LRRIQ1: variants seen among roughly 807,000 people sequenced by gnomAD.
The protein encoded by LRRIQ1 is leucine rich repeats and IQ motif containing 1, also known as leucine-rich repeat- and IQ domain-containing protein 1.
In LRRIQ1, 210 loss-of-function variants were observed where a neutral mutation model predicts 211.9. The ratio of observed to expected loss-of-function variants is 0.99; its 90% CI spans 0.89 to 1.11. LRRIQ1 has a LOEUF of 1.11. LRRIQ1 is among the 50% of genes most tolerant of loss of function. The pLI is 0.00. For synonymous variants in LRRIQ1, 699 were observed against 650.1 expected, an observed-to-expected ratio of 1.08 and a Z score of -1.14; for missense variants, 2,136 against 1,939.5, an observed-to-expected ratio of 1.10 and a Z score of -1.90.
intron 24 of LRRIQ1, among the ~76,000 whole-genome samples, chr12:85,206,755 G>A (rs775302001): frequency 3.3e-5 from 5 of 152,008 alleles, no homozygotes; most frequent in Non-Finnish European, 5.9e-5. Flanking sequence ...GAGGCATCCT[G>A]TTAGATATCC....
chr12:85,259,110 C>G (rs1896210138), intron 1 of LRRIQ1, among the ~76,000 whole-genome samples: 1 of 151,982 alleles, frequency 6.6e-6, no homozygotes. Context: ...ATAGTTTCAG[C>G]ACTTGTATAA....
intron 1 of LRRIQ1, among the ~76,000 whole-genome samples, chr12:85,260,284 T>TC (rs1327560134): frequency 2.6e-5 from 4 of 151,948 alleles, no homozygotes; most frequent in African/African-American, 7.3e-5. Flanking sequence ...TACACTGCAC[T>TC]CCAGCCTGGG....
rs190511018 is a variant in LRRIQ1 at position 85,142,625 on chromosome 12, C to T, written c.4329+4656C>T. Among the ~76,000 whole-genome samples the T allele has an allele frequency of 3.3e-4, 50 of 151,550 alleles. 2 individuals carry two copies. Among genetic ancestry groups the T allele is most frequent in the Admixed American group, 3.2e-3 (49 of 15,156 alleles). On this transcript the variant is annotated intron_variant, in intron 19 of 26. Coordinates refer to ENST00000393217, the MANE Select transcript of LRRIQ1 (RefSeq NM_001079910.2). ...ATCTCCTGCAACCGCCACCACCACC[C>T]CCACTGACCACCTTAAACCCTAGTA...
chr12:85,218,427 T>C (rs966898908), intron 24 of LRRIQ1, among the ~76,000 whole-genome samples: 1 of 152,128 alleles, frequency 6.6e-6, no homozygotes, highest in African/African-American at 2.4e-5. Flanking sequence ...GTAATATGGC[T>C]AGTAAATCCT....
At chr12:85,219,105 T>G (rs955682125) in intron 24 of LRRIQ1, among the ~76,000 whole-genome samples, 16 of 152,136 alleles carry the variant, frequency 1.1e-4, no homozygotes, top group Non-Finnish European at 2.2e-4. Context: ...ACACATTACA[T>G]GTTAATGTAT....
chr12:85,197,956 T>C (rs1392414484), intron 24 of LRRIQ1, among the ~76,000 whole-genome samples: 1 of 110,002 alleles, frequency 9.1e-6, no homozygotes, highest in South Asian at 2.3e-4. Context: ...TATATAATTA[T>C]ATATTATATA....
intron 24 of LRRIQ1, among the ~76,000 whole-genome samples, chr12:85,169,849 C>T (rs750502346): frequency 2.6e-5 from 4 of 152,052 alleles, no homozygotes; most frequent in Non-Finnish European, 5.9e-5. Context: ...ATTCTTATAT[C>T]CTCAGCACTT....
intron 17 of LRRIQ1, 152 bp downstream of exon 17, chr12:85,124,671 GT>G (rs963737539): frequency 2.6e-4 from 162 of 623,300 alleles, no homozygotes; most frequent in Non-Finnish European, 4.2e-4. Context: ...GGTGCATTAT[GT>G]TTTCATGAGG....
chr12:85,146,815 C>T (rs12811039), intron 19 of LRRIQ1, among the ~76,000 whole-genome samples: 33,241 of 151,554 alleles, frequency 0.22, 4,314 homozygotes, highest in Admixed American at 0.31. Flanking sequence ...TTCTTTTGGC[C>T]AGGCTGTACC....
At chr12:85,116,733 A>G (rs978379979) in intron 15 of LRRIQ1, among the ~76,000 whole-genome samples, 1 of 151,942 alleles carries the variant, frequency 6.6e-6, no homozygotes, top group East Asian at 1.9e-4. Flanking sequence ...GTAGACCCCA[A>G]TGTCTGTTGT....
chr12:85,236,519 T>A (rs1218527851), intron 26 of LRRIQ1, among the ~76,000 whole-genome samples: 2 of 152,024 alleles, frequency 1.3e-5, no homozygotes, highest in African/African-American at 4.8e-5. Flanking sequence ...AATTAAGTTG[T>A]CTTATGACAA....
Position 85,217,506 on chromosome 12 carries a change from ATATGTGTGTGTGTGTGTG to A in LRRIQ1, c.4823-12009_4823-11992del, listed in dbSNP as rs1487425641. Among the ~76,000 whole-genome samples the A allele has an allele frequency of 5.2e-3, 363 of 69,806 alleles. 16 individuals are homozygous for A. The highest frequency in any genetic ancestry group is 0.031 in the African/African-American group (237 of 7,528). 45.8% of individuals were successfully genotyped at this position (69,806 alleles called of 152,430 possible). A position where few individuals can be genotyped will look rare whatever the true frequency, so the allele number is the denominator to read the frequency against. Reference sequence around the variant, plus strand: ...TATATATATATGTATATATATATATATATGTGTGTGTGTGTGTGTGTGTGTGTGTGTGTGTGTGTGTGT... The same window carrying A: ...TATATATATATGTATATATATATATATGTGTGTGTGTGTGTGTGTGTGTGT... On this transcript the variant is annotated intron_variant, in intron 24 of 26. Coordinates refer to ENST00000393217, the MANE Select transcript of LRRIQ1 (RefSeq NM_001079910.2).
intron 26 of LRRIQ1, among the ~76,000 whole-genome samples, chr12:85,242,097 TA>T (rs1283356459): frequency 2.3e-4 from 35 of 152,116 alleles, no homozygotes; most frequent in African/African-American, 8.4e-4. Context: ...TTTGCAAAAT[TA>T]CAGTCTAATA....
At position 85,055,565 on chromosome 12, in the gene LRRIQ1, C is replaced by T. The variant is rs2135980819; in HGVS notation, c.772C>T (p.His258Tyr). ...KQHEEYIRNL[H>Y]LQMEEERTRF... ...GTTTTAGGAGTATATTAGAAACTTG[C>T]ATTTACAAATGGAAGAAGAAAGAAC... Residue 258 changes from histidine to tyrosine, a missense_variant, in exon 8 of 27, where the codon CAT becomes TAT. By Grantham distance (83) the His-to-Tyr change is moderately conservative. Transcript: ENST00000393217. 1 of 1,534,934 alleles carries T rather than the reference C, an allele frequency of 6.5e-7. No homozygotes were observed. Among genetic ancestry groups the T allele is most frequent in the South Asian group, 1.3e-5 (1 of 76,924 alleles).
rs752462866 is a variant in LRRIQ1 at position 85,056,116 on chromosome 12, A to G, written c.1323A>G (p.Leu441=). ...AGCAGGAAGATGTTCTCCTTTGGCT[A>G]GTTGAGGAATCAAATATGAAAGAAA... ...SKKQEDVLLW[L]VEESNMKENV... The change falls in exon 8 of 27, where the codon CTA becomes CTG. Residue 441 remains leucine (L), a synonymous_variant. Coordinates refer to ENST00000393217, the MANE Select transcript of LRRIQ1 (RefSeq NM_001079910.2). The G allele has an allele frequency of 3.1e-6, 5 of 1,599,784 alleles. No homozygotes were observed. The South Asian group carries it at 4.6e-5, about 15-fold the overall frequency.
At position 85,102,951 on chromosome 12, in the gene LRRIQ1, A is replaced by ATATAT. The variant is rs1565834052; in HGVS notation, c.3210-1053_3210-1052insTATAT. On this transcript the variant is annotated intron_variant, in intron 13 of 26. Transcript: ENST00000393217. ...AGGCTTTTCTAATTGTGGCAAAAAA[A>ATATAT]AAAAAAAAATATATATATATATATA... 7.7e-4 allele frequency among the ~76,000 whole-genome samples: 90 copies of ATATAT among 116,784 alleles called. No homozygotes were observed. The East Asian group carries it at 8.7e-3, about 11-fold the overall frequency. The allele number at this position is 116,784 out of a possible 152,430, so 76.6% of individuals were successfully genotyped here. A position where few individuals can be genotyped will look rare whatever the true frequency, so the allele number is the denominator to read the frequency against.
At chr12:85,080,325 A>G (rs1024383890) in intron 11 of LRRIQ1, among the ~76,000 whole-genome samples, 1 of 151,902 alleles carries the variant, frequency 6.6e-6, no homozygotes, top group Admixed American at 6.6e-5. Flanking sequence ...GTCTGTATTC[A>G]ATGTTGAAAA....
At chr12:85,098,316 C>T (rs34798402) in intron 11 of LRRIQ1, 39 bp from the exon 12 acceptor site, 351,084 of 1,342,688 alleles carry the variant, frequency 0.26, 48,154 homozygotes, top group Admixed American at 0.33. Context: ...GTCTGGAAGA[C>T]TGTATGACAC....
At chr12:85,170,881 G>A (rs1050754364) in intron 24 of LRRIQ1, among the ~76,000 whole-genome samples, 3 of 152,112 alleles carry the variant, frequency 2.0e-5, no homozygotes, top group African/African-American at 4.8e-5. Flanking sequence ...AGGTCAACTG[G>A]AAATAGATTT....
Sources: gnomAD v4.1 joint callset for allele counts (sites outside exome capture counted in the v4.1 genomes callset) on GRCh38, gnomAD v4.1.1 for gene constraint, MANE v1.5 for transcripts, NCBI Gene and HGNC (gene_info 2026-07-23, HGNC 2026-07-21) for gene names.